The following NT5DC2 variants were observed in gnomAD, a reference collection of about 807,000 sequenced individuals.
NT5DC2 encodes the protein 5'-nucleotidase domain-containing protein 2.
A neutral mutation model predicts 70.0 loss-of-function variants in NT5DC2; 41 were observed. That is an observed-to-expected ratio of 0.59 (90% CI 0.46 to 0.76). The LOEUF is 0.76. NT5DC2 is among the 30% of genes least tolerant of loss of function. The probability of loss-of-function intolerance (pLI) is 0.00; values close to 1 mark genes in which losing one functional copy is unlikely to be tolerated. For missense variants in NT5DC2, 705 were observed against 783.2 expected (o/e 0.90, Z 1.19); for synonymous variants, 299 against 310.4 (o/e 0.96, Z 0.39).
chr3:52,525,254 GCCA>G lies in NT5DC2; in HGVS notation c.1158_1160del (p.Gly387del). 2 of 1,612,780 alleles carry G rather than the reference GCCA, an allele frequency of 1.2e-6. No homozygotes were observed. Among genetic ancestry groups the G allele is most frequent in the Non-Finnish European group, 1.7e-6 (2 of 1,179,908 alleles). On this transcript the variant is annotated inframe_deletion, in exon 11 of 14. Transcript: ENST00000422318. ...GGTCCCCGAAGTAGAGCACGCGGGGGCCACGCCATTCCGTCAAGCGTAAGAAGT... is the reference window on the plus strand; with the variant it reads ...GGTCCCCGAAGTAGAGCACGCGGGGGCGCCATTCCGTCAAGCGTAAGAAGT...
chr3:52,528,382 C>T, intron 5 of NT5DC2, 64 bp downstream of exon 5: 2 of 1,613,206 alleles, frequency 1.2e-6, no homozygotes, highest in Non-Finnish European at 8.5e-7. Context: ...ACGAGGGCCC[C>T]AAATCTGCCT....
At chr3:52,533,945 G>A, upstream of NT5DC2, 1 of 543,252 alleles carries the variant, frequency 1.8e-6, no homozygotes, top group Non-Finnish European at 2.3e-6. Context: ...GGCGGGGCGG[G>A]GCGGGGAGGG....
Position 52,529,350 on chromosome 3 carries a change from G to C in NT5DC2, c.233-16C>G. ...GGCAGGAGGTCTAGAGGAAGGAGAT[G>C]CAGGGAGGCAGTGATGGGGATGATG... On this transcript the variant is annotated splice_polypyrimidine_tract_variant and intron_variant, in intron 1 of 13. Transcript: ENST00000422318. This position sits in a 1 kb window ranked among gnomAD's most constrained non-coding sequence, Gnocchi z 4.1. 6.2e-7 allele frequency: 1 copy of C among 1,611,124 alleles called. No individual in the cohort carries two copies. Among genetic ancestry groups the C allele is most frequent in the Middle Eastern group, 1.7e-4 (1 of 6,034 alleles).
At chr3:52,528,727 G>C in intron 3 of NT5DC2, 35 bp from the exon 4 acceptor site, 1 of 1,608,610 alleles carries the variant, frequency 6.2e-7, no homozygotes, top group Non-Finnish European at 8.5e-7. Flanking sequence ...GGATGGTGAG[G>C]AGGCAGTTTC....
rs549571179 is a variant in NT5DC2, at chr3:52,527,777, C to T, written c.935+52G>A. The stretch of plus-strand genomic sequence containing the variant: ...GAGGGCGGCTCCGTGCCTGCCCTCC[C>T]CACCCAGAGCCCTGGCCCTGCTGTC... On this transcript the variant is annotated intron_variant, in intron 8 of 13. Coordinates refer to ENST00000422318, the MANE Select transcript of NT5DC2 (RefSeq NM_001134231.2). The T allele has an allele frequency of 1.9e-6, 3 of 1,608,874 alleles. No individual in the cohort carries two copies. In the Admixed American group the frequency reaches 5.0e-5, roughly 27 times the overall value.
rs954260380 is a variant in NT5DC2 at position 52,529,379 on chromosome 3, C to T, written c.233-45G>A. 5 of 1,583,542 alleles carry T rather than the reference C, an allele frequency of 3.2e-6. No homozygotes were observed. Among genetic ancestry groups the T allele is most frequent in the African/African-American group, 1.3e-5 (1 of 74,250 alleles). ...GGAGGCAGTGATGGGGATGATGATC[C>T]CTGCAGCAGCTATGGCTCCTGAGCA... On this transcript the variant is annotated intron_variant, in intron 1 of 13. Transcript: ENST00000422318. The surrounding 1 kb of genome is among the most constrained non-coding windows in gnomAD (Gnocchi z 4.1).
intron 9 of NT5DC2, 87 bp downstream of exon 9, chr3:52,527,530 C>A: frequency 1.3e-6 from 2 of 1,505,866 alleles, no homozygotes; most frequent in Non-Finnish European, 1.8e-6. Context: ...TGGGCAAGGG[C>A]CAGGTTGGCC....
chr3:52,534,516 C>T, upstream of NT5DC2: 1 of 1,612,984 alleles, frequency 6.2e-7, no homozygotes, highest in Non-Finnish European at 8.5e-7. Flanking sequence ...CGGACCTCGG[C>T]AACTGGCCGC....
Position 52,529,538 on chromosome 3 carries a change from C to T in NT5DC2, c.233-204G>A, listed in dbSNP as rs1278870259. 1.3e-5 allele frequency among the ~76,000 whole-genome samples: 2 copies of T among 152,042 alleles called. No individual in the cohort carries two copies. The highest frequency in any genetic ancestry group is 4.8e-5 in the African/African-American group (2 of 41,388). On this transcript the variant is annotated intron_variant, in intron 1 of 13. Transcript: ENST00000422318. The surrounding 1 kb of genome is among the most constrained non-coding windows in gnomAD (Gnocchi z 4.1). ...GTCACGCAGTTAGGGTAAGGCAGAGCCCCTGGCTGGAGCTCCTCCTCATGG... is the reference window on the plus strand; with the variant it reads ...GTCACGCAGTTAGGGTAAGGCAGAGTCCCTGGCTGGAGCTCCTCCTCATGG...
intron 10 of NT5DC2, 39 bp from the exon 11 acceptor site, chr3:52,525,334 C>T: frequency 1.3e-6 from 2 of 1,523,746 alleles, no homozygotes; most frequent in Non-Finnish European, 1.8e-6. Context: ...CCAAGTGTGC[C>T]TTGTCCTCCA....
chr3:52,530,639 C>G (rs561927017), intron 1 of NT5DC2, among the ~76,000 whole-genome samples: 1 of 152,238 alleles, frequency 6.6e-6, no homozygotes, highest in East Asian at 1.9e-4. Context: ...TGCTTGAAAC[C>G]CAGTAGTTCA....
chr3:52,528,757 CT>C, intron 3 of NT5DC2, 65 bp from the exon 4 acceptor site: 3 of 1,606,860 alleles, frequency 1.9e-6, no homozygotes, highest in Non-Finnish European at 2.6e-6. Context: ...CCAAGCCAGC[CT>C]CTTTCAGCCC....
Position 52,528,850 on chromosome 3 carries a change from C to T in NT5DC2, c.492+11G>A. 3 of 1,613,678 alleles carry T rather than the reference C, an allele frequency of 1.9e-6. No homozygotes were observed. Among genetic ancestry groups the T allele is most frequent in the Non-Finnish European group, 1.7e-6 (2 of 1,179,712 alleles). ...CAAGGAGGGAGCCCCTATACAGGTC[C>T]AGCCACTCACCTTCTGAATGTCATA... On this transcript the variant is annotated intron_variant, in intron 3 of 13. Transcript: ENST00000422318.
chr3:52,525,521 C>T (rs994852444), intron 10 of NT5DC2: 3 of 566,836 alleles, frequency 5.3e-6, no homozygotes, highest in Admixed American at 6.3e-5. Context: ...GCATGGTGCC[C>T]ATGCCTCGAG....
In NT5DC2 at chr3:52,528,536, G is replaced by A. The variant is rs375413743; in HGVS notation, c.552C>T (p.Gly184=). The A allele has an allele frequency of 6.8e-7, 1 of 1,475,144 alleles. No individual in the cohort carries two copies. The highest frequency in any genetic ancestry group is 1.5e-5 in the African/African-American group (1 of 66,906). The allele number at this position is 1,475,144 out of a possible 1,614,324, so 91.4% of individuals were successfully genotyped here. A position where few individuals can be genotyped will look rare whatever the true frequency, so the allele number is the denominator to read the frequency against. Residue 184 remains glycine, a synonymous_variant, in exon 5 of 14, where the codon GGC becomes GGT. Coordinates refer to ENST00000422318, the MANE Select transcript of NT5DC2 (RefSeq NM_001134231.2). ...CCTCCTCGTCTGGCACAGGCTGGAG[G>A]CCCCTGAGCAGGCCCAAGATACCAT... The part of the protein sequence containing the change: ...HYVQLGTAYR[G]LQPVPDEEVI...
Position 52,529,040 on chromosome 3 carries a change from C to G in NT5DC2, c.418-105G>C. 6.3e-7 allele frequency: 1 copy of G among 1,586,892 alleles called. No individual in the cohort carries two copies. The highest frequency in any genetic ancestry group is 8.6e-7 in the Non-Finnish European group (1 of 1,157,446). On this transcript the variant is annotated intron_variant, in intron 2 of 13. Coordinates refer to ENST00000422318, the MANE Select transcript of NT5DC2 (RefSeq NM_001134231.2). The surrounding 1 kb of genome is among the most constrained non-coding windows in gnomAD (Gnocchi z 4.1). ...CCAGCCACCTGCCCAGGGCAGCTGC[C>G]AGGCAAGAGGGCCAGGGGAGCCCCA... is the stretch of plus-strand genomic sequence containing the variant.
chr3:52,532,577 A>C, intron 1 of NT5DC2: 1 of 903,602 alleles, frequency 1.1e-6, no homozygotes, highest in Non-Finnish European at 1.3e-6. Flanking sequence ...ATCAGACAAC[A>C]AAAGCCACGT....
At position 52,533,512 on chromosome 3, in the gene NT5DC2, CCA is replaced by C; in HGVS notation, c.224_225del (p.Leu75ArgfsTer28). 1 of 1,491,604 alleles carries C rather than the reference CCA, an allele frequency of 6.7e-7. No individual in the cohort carries two copies. The highest frequency in any genetic ancestry group is 8.9e-7 in the Non-Finnish European group (1 of 1,123,166). 92.4% of individuals were successfully genotyped at this position (1,491,604 alleles called of 1,614,324 possible). A position where few individuals can be genotyped will look rare whatever the true frequency, so the allele number is the denominator to read the frequency against. On this transcript the variant is annotated frameshift_variant, in exon 1 of 14. Coordinates refer to ENST00000422318, the MANE Select transcript of NT5DC2 (RefSeq NM_001134231.2). LOFTEE classifies it high-confidence loss of function. Reference protein sequence around the residue: ...LWARYQDMRRLVHDLLPPEVC... With the variant: ...LWARYQDMRRXVHDLLPPEVC... ...CCCGCCCCGGCTCACCCACCGTGCA[CCA>C]GTCTCCGCATGTCCTGGTAGCGAGC...
chr3:52,533,924 G>A (rs2079396538), upstream of NT5DC2: 22 of 762,624 alleles, frequency 2.9e-5, no homozygotes, highest in Non-Finnish European at 3.2e-5. Flanking sequence ...GGGAGGCCCC[G>A]GACCCGGCGG....
Sources: gnomAD v4.1 joint callset for allele counts (sites outside exome capture counted in the v4.1 genomes callset) on GRCh38, gnomAD v4.1.1 for gene constraint, Gnocchi (gnomAD v3.1) non-coding constraint, MANE v1.5 for transcripts, NCBI Gene and HGNC (gene_info 2026-07-23, HGNC 2026-07-21) for gene names.